The following LGR5 variants were observed in gnomAD, a reference collection of about 807,000 sequenced individuals.
LGR5 encodes leucine rich repeat containing G protein-coupled receptor 5.
In LGR5, 54 loss-of-function variants were observed where a neutral mutation model predicts 76.7. The ratio of observed to expected loss-of-function variants is 0.70; its 90% CI spans 0.57 to 0.88. The LOEUF (loss-of-function observed/expected upper bound fraction) is 0.88, where lower values mean the gene tolerates loss of function less well. LGR5 is among the 40% of genes least tolerant of loss of function. The pLI is 0.00. For missense variants in LGR5, 1,078 were observed against 1,073.3 expected (o/e 1.00, Z -0.06); for synonymous variants, 406 against 421.9 (o/e 0.96, Z 0.46).
At chr12:71,538,440 C>A (rs191480525) in intron 4 of LGR5, among the ~76,000 whole-genome samples, 1 of 152,220 alleles carries the variant, frequency 6.6e-6, no homozygotes, top group Non-Finnish European at 1.5e-5. Context: ...CACTTGAACT[C>A]AAGAAGAATT....
intron 1 of LGR5, among the ~76,000 whole-genome samples, chr12:71,442,295 AG>A (rs1308977003): frequency 3.3e-5 from 5 of 152,184 alleles, no homozygotes; most frequent in Non-Finnish European, 7.3e-5. Context: ...CCATGTGCTC[AG>A]GGGAACTTAC....
intron 1 of LGR5, among the ~76,000 whole-genome samples, chr12:71,474,931 G>C (rs1873261770): frequency 6.6e-6 from 1 of 152,184 alleles, no homozygotes; most frequent in African/African-American, 2.4e-5. Context: ...TACAGATGCA[G>C]AAGATTCCGT....
intron 1 of LGR5, among the ~76,000 whole-genome samples, chr12:71,454,417 G>A (rs916734132): frequency 2.0e-5 from 3 of 152,108 alleles, no homozygotes; most frequent in Admixed American, 1.3e-4. Flanking sequence ...ATCAAACAGT[G>A]TAAATAATCA....
In LGR5 at chr12:71,522,437, A is replaced by G. The variant is rs554741523; in HGVS notation, c.285-1969A>G. 9.2e-5 allele frequency among the ~76,000 whole-genome samples: 14 copies of G among 152,338 alleles called. No individual in the cohort carries two copies. In the South Asian group the frequency reaches 1.2e-3, roughly 14 times the overall value. ...AAATATTATGCTGAATTACATGTTA[A>G]TAACACATATTTATTAAGTGCCAAC... is the stretch of plus-strand genomic sequence containing the variant. On this transcript the variant is annotated intron_variant, in intron 2 of 17. Coordinates refer to ENST00000266674, the MANE Select transcript of LGR5 (RefSeq NM_003667.4).
At chr12:71,575,722 ATG>A (rs140264650) in intron 13 of LGR5, among the ~76,000 whole-genome samples, 11,933 of 144,316 alleles carry the variant, frequency 0.083, 585 homozygotes, top group African/African-American at 0.14. Context: ...AAAAATATAT[ATG>A]TGTGTGTGTG....
At chr12:71,549,240 G>A (rs2137401291) in intron 4 of LGR5, among the ~76,000 whole-genome samples, 2 of 152,254 alleles carry the variant, frequency 1.3e-5, no homozygotes, top group South Asian at 2.1e-4. Flanking sequence ...TCTGTTAAGA[G>A]TAAATCACAT....
At chr12:71,561,008 T>A (rs1316989420) in intron 7 of LGR5, among the ~76,000 whole-genome samples, 2 of 152,216 alleles carry the variant, frequency 1.3e-5, no homozygotes, top group African/African-American at 2.4e-5. Context: ...ATAAATAATC[T>A]ATGTTAGTAA....
intron 4 of LGR5, 90 bp downstream of exon 4, chr12:71,535,276 G>T: frequency 4.7e-6 from 4 of 853,628 alleles, no homozygotes; most frequent in Non-Finnish European, 7.7e-6. Context: ...TATGTTCCTT[G>T]GTTGGGAGTC....
intron 4 of LGR5, among the ~76,000 whole-genome samples, chr12:71,539,936 A>AT (rs1876792639): frequency 6.6e-6 from 1 of 152,274 alleles, no homozygotes; most frequent in East Asian, 1.9e-4. Context: ...CACCAATTAG[A>AT]TTTTTTGTAA....
intron 1 of LGR5, among the ~76,000 whole-genome samples, chr12:71,476,191 A>T (rs1419219901): frequency 6.6e-6 from 1 of 152,098 alleles, no homozygotes; most frequent in African/African-American, 2.4e-5. Flanking sequence ...TACCAACCTG[A>T]CCTTACTATT....
At chr12:71,552,391 C>G (rs757305744) in intron 4 of LGR5, among the ~76,000 whole-genome samples, 3 of 151,892 alleles carry the variant, frequency 2.0e-5, no homozygotes, top group Non-Finnish European at 4.4e-5. Flanking sequence ...ATGGTGAAAC[C>G]CTGTCTCTAC....
At position 71,585,165 on chromosome 12, in the gene LGR5, A is replaced by G. The variant is rs578180792; in HGVS notation, c.*431A>G. On this transcript the variant is annotated 3_prime_UTR_variant, in exon 18 of 18. Transcript: ENST00000266674. Reference sequence around the variant, plus strand: ...GGAATTAGGAAAATAAGGGTTTTCAATGACCTACATTGCTAGGTAGAGGCT... The same window carrying G: ...GGAATTAGGAAAATAAGGGTTTTCAGTGACCTACATTGCTAGGTAGAGGCT... 6.1e-6 allele frequency: 1 copy of G among 164,002 alleles called. No homozygotes were observed. Among genetic ancestry groups the G allele is most frequent in the African/African-American group, 2.4e-5 (1 of 41,682 alleles). The allele number at this position is 164,002 out of a possible 1,614,324, so 10.2% of individuals were successfully genotyped here.
intron 6 of LGR5, among the ~76,000 whole-genome samples, chr12:71,558,661 ATC>A (rs1877901066): frequency 1.3e-5 from 2 of 152,336 alleles, no homozygotes; most frequent in African/African-American, 2.4e-5. Context: ...CAGTCAAATT[ATC>A]TCTCTCTTTA....
At chr12:71,497,368 G>A (rs144670701) in intron 1 of LGR5, among the ~76,000 whole-genome samples, 3,451 of 125,646 alleles carry the variant, frequency 0.027, 137 homozygotes, top group African/African-American at 0.093. Context: ...AAGGAAGGAA[G>A]GAAGGAAAGA....
chr12:71,497,977 A>C (rs531544912), intron 1 of LGR5, among the ~76,000 whole-genome samples: 2 of 152,318 alleles, frequency 1.3e-5, no homozygotes, highest in South Asian at 4.1e-4. Flanking sequence ...CTCCCTCACA[A>C]CAAATCCATA....
At chr12:71,472,877 G>T (rs968121178) in intron 1 of LGR5, among the ~76,000 whole-genome samples, 2 of 152,174 alleles carry the variant, frequency 1.3e-5, no homozygotes, top group East Asian at 3.9e-4. Flanking sequence ...CACAGCACAC[G>T]TTGATTGTAT....
At chr12:71,566,526 G>A (rs1878352001) in intron 9 of LGR5, 51 bp downstream of exon 9, 1 of 1,544,454 alleles carries the variant, frequency 6.5e-7, no homozygotes, top group Non-Finnish European at 8.9e-7. Flanking sequence ...GGGTTGCTGT[G>A]AAAAACCAAA....
At chr12:71,571,617 A>G in intron 12 of LGR5, 38 bp downstream of exon 12, 1 of 1,457,226 alleles carries the variant, frequency 6.9e-7, no homozygotes. Context: ...AGCAAAAATC[A>G]AGAATCAAAA....
In LGR5 at chr12:71,571,572, C is replaced by T; in HGVS notation, c.1129C>T (p.Gln377Ter). 2 of 1,609,670 alleles carry T rather than the reference C, an allele frequency of 1.2e-6. No homozygotes were observed. ...CAGTTTTTCAGTCTGCCAAAAGCTT[C>T]AGAAAATGTAAGTCTAGAAGTCTCT... ...LPSFSVCQKL[Q>*]KIDLRHNEIY... Residue 377 changes from glutamine to a stop codon, truncating the protein, a stop_gained, in exon 12 of 18, where the codon CAG becomes TAG. Transcript: ENST00000266674. LOFTEE classifies it high-confidence loss of function.
Sources: allele counts gnomAD v4.1 joint callset (sites outside exome capture counted in the v4.1 genomes callset), GRCh38; gene constraint gnomAD v4.1.1; transcripts MANE v1.5; gene names NCBI Gene and HGNC (gene_info 2026-07-23, HGNC 2026-07-21).